The following PRKD1 variants were observed in gnomAD, a reference collection of about 807,000 sequenced individuals.
The protein encoded by PRKD1 is serine/threonine-protein kinase D1.
PRKD1 carries 63 observed loss-of-function variants against 95.9 expected under a neutral mutation model. The observed-to-expected ratio is 0.66, with a 90% confidence interval of 0.54 to 0.81. The LOEUF is 0.81. Among genes scored for constraint, PRKD1 ranks in the 30% least tolerant of loss-of-function variants. The probability of loss-of-function intolerance (pLI) is 0.00; values close to 1 mark genes in which losing one functional copy is unlikely to be tolerated. For missense variants in PRKD1, 1,048 were observed against 1,165.3 expected (o/e 0.90, Z 1.47); for synonymous variants, 425 against 423.1 (o/e 1.00, Z -0.05).
chr14:29,792,606 A>G (rs1433915982), intron 1 of PRKD1, among the ~76,000 whole-genome samples: 1 of 152,120 alleles, frequency 6.6e-6, no homozygotes, highest in African/African-American at 2.4e-5. Context: ...TAAGTCAACA[A>G]AAGTGGGAAG....
At chr14:29,742,306 C>T (rs749219643) in intron 1 of PRKD1, among the ~76,000 whole-genome samples, 2 of 152,118 alleles carry the variant, frequency 1.3e-5, no homozygotes, top group African/African-American at 2.4e-5. Flanking sequence ...TTGGTCTTTC[C>T]GTTCACTCCC....
chr14:29,829,202 C>CATGGGTCTAGAATAGAGATTAA (rs1262167384), intron 1 of PRKD1, among the ~76,000 whole-genome samples: 1 of 152,142 alleles, frequency 6.6e-6, no homozygotes, highest in African/African-American at 2.4e-5. Flanking sequence ...CCCAAGGCAT[C>CATGGGTCTAGAATAGAGATTAA]ATGGAATAGA....
chr14:29,850,092 T>C (rs1892246804), intron 1 of PRKD1, among the ~76,000 whole-genome samples: 1 of 152,164 alleles, frequency 6.6e-6, no homozygotes, highest in African/African-American at 2.4e-5. Flanking sequence ...ACAGCCAATG[T>C]CATACTGAAT....
intron 4 of PRKD1, chr14:29,657,910 C>T (rs150245703): frequency 6.6e-6 from 1 of 152,056 alleles, no homozygotes; most frequent in Non-Finnish European, 1.5e-5. Flanking sequence ...AAAGAAAAAA[C>T]CTGCCACATT....
chr14:29,760,498 G>A (rs2139485730), intron 1 of PRKD1, among the ~76,000 whole-genome samples: 1 of 151,974 alleles, frequency 6.6e-6, no homozygotes, highest in East Asian at 1.9e-4. Context: ...TGGGACTACA[G>A]GTTTGTGCTA....
At chr14:29,670,505 T>C (rs1882779042) in intron 2 of PRKD1, among the ~76,000 whole-genome samples, 1 of 152,226 alleles carries the variant, frequency 6.6e-6, no homozygotes, top group African/African-American at 2.4e-5. Context: ...TGTCTATATA[T>C]TTCTTTACAA....
chr14:29,600,639 G>A (rs1459493952), intron 13 of PRKD1, among the ~76,000 whole-genome samples: 1 of 152,166 alleles, frequency 6.6e-6, no homozygotes, highest in Non-Finnish European at 1.5e-5. Context: ...AATGTGGGAT[G>A]TAAGTATGCG....
chr14:29,635,352 A>G (rs1880296699), intron 7 of PRKD1, among the ~76,000 whole-genome samples: 2 of 151,998 alleles, frequency 1.3e-5, no homozygotes, highest in South Asian at 2.1e-4. Flanking sequence ...ACATGAATAT[A>G]TATGTAATTC....
chr14:29,914,231 A>G (rs1894815787), intron 1 of PRKD1, among the ~76,000 whole-genome samples: 1 of 152,216 alleles, frequency 6.6e-6, no homozygotes, highest in Admixed American at 6.5e-5. Flanking sequence ...GGACACAGAC[A>G]ATGTGAAAGG....
At chr14:29,704,109 T>C (rs948710186) in intron 2 of PRKD1, among the ~76,000 whole-genome samples, 1 of 152,120 alleles carries the variant, frequency 6.6e-6, no homozygotes, top group African/African-American at 2.4e-5. Flanking sequence ...AAAGAGTTTT[T>C]GGACTGTGAG....
intron 7 of PRKD1, 123 bp downstream of exon 7, chr14:29,636,167 T>C: frequency 8.5e-7 from 1 of 1,178,832 alleles, no homozygotes. Flanking sequence ...CGCAGTTCAT[T>C]CATATAAAAG....
At chr14:29,756,126 C>T (rs1887686242) in intron 1 of PRKD1, among the ~76,000 whole-genome samples, 2 of 152,140 alleles carry the variant, frequency 1.3e-5, no homozygotes, top group African/African-American at 4.8e-5. Context: ...AGTTCTGGCA[C>T]TCTCAATACC....
intron 1 of PRKD1, among the ~76,000 whole-genome samples, chr14:29,875,811 T>C (rs1893266741): frequency 6.6e-6 from 1 of 152,176 alleles, no homozygotes; most frequent in Admixed American, 6.5e-5. Flanking sequence ...ACCAGCTTGT[T>C]TTACTTAATA....
At chr14:29,861,070 A>T (rs1276153762) in intron 1 of PRKD1, among the ~76,000 whole-genome samples, 1 of 152,220 alleles carries the variant, frequency 6.6e-6, no homozygotes, top group Admixed American at 6.5e-5. Context: ...ATTATTTCAA[A>T]ATATACTAAA....
intron 1 of PRKD1, among the ~76,000 whole-genome samples, chr14:29,787,108 C>T (rs1356707157): frequency 1.3e-5 from 2 of 150,996 alleles, no homozygotes; most frequent in Non-Finnish European, 2.9e-5. Flanking sequence ...TAGGAGAGTG[C>T]TATTTAATTC....
intron 2 of PRKD1, among the ~76,000 whole-genome samples, chr14:29,721,871 C>T (rs915975939): frequency 1.3e-5 from 2 of 151,924 alleles, no homozygotes; most frequent in African/African-American, 2.4e-5. Flanking sequence ...TGGCTTACTG[C>T]GTTTAAATGT....
chr14:29,594,756 G>C (rs1341383929), intron 16 of PRKD1, among the ~76,000 whole-genome samples: 1 of 152,106 alleles, frequency 6.6e-6, no homozygotes, highest in Non-Finnish European at 1.5e-5. Context: ...TGCCAGATAC[G>C]ATTAATAGTT....
At chr14:29,808,373 CT>C (rs34250184) in intron 1 of PRKD1, among the ~76,000 whole-genome samples, 4 of 20,012 alleles carry the variant, frequency 2.0e-4, no homozygotes, top group Admixed American at 7.0e-4. Flanking sequence ...TCAGGCTCTA[CT>C]TTTTTTTTTT....
At chr14:29,770,107 C>A (rs563775534) in intron 1 of PRKD1, among the ~76,000 whole-genome samples, 6 of 152,180 alleles carry the variant, frequency 3.9e-5, no homozygotes, top group Non-Finnish European at 7.3e-5. Flanking sequence ...AGAGAACAAG[C>A]CTTCACCACA....
Sources: gnomAD v4.1 joint callset for allele counts (sites outside exome capture counted in the v4.1 genomes callset) on GRCh38, gnomAD v4.1.1 for gene constraint, MANE v1.5 for transcripts, NCBI Gene and HGNC (gene_info 2026-07-23, HGNC 2026-07-21) for gene names.